The following NAPA variants were observed in gnomAD, a reference collection of about 807,000 sequenced individuals.
The protein encoded by NAPA is alpha-soluble NSF attachment protein.
A neutral mutation model predicts 48.0 loss-of-function variants in NAPA; 18 were observed. The ratio of observed to expected loss-of-function variants is 0.38; its 90% CI spans 0.26 to 0.56. NAPA has a LOEUF of 0.56. NAPA is among the 20% of genes least tolerant of loss of function. The pLI is 0.77. For synonymous variants in NAPA, 152 were observed against 149.9 expected (o/e 1.01, Z -0.10); for missense variants, 315 against 385.0 (o/e 0.82, Z 1.52).
At chr19:47,496,831 A>C (rs1180096792) in intron 3 of NAPA, 1 of 455,862 alleles carries the variant, frequency 2.2e-6, no homozygotes, top group Admixed American at 2.4e-5. Context: ...ACATGTAAAC[A>C]GTGGGGTCCA....
At chr19:47,488,427 C>G in intron 10 of NAPA, 38 bp from the exon 11 acceptor site, 3 of 1,549,468 alleles carry the variant, frequency 1.9e-6, no homozygotes, top group South Asian at 2.2e-5. Flanking sequence ...CCATGCTCCC[C>G]CCGTTCCCAA....
At chr19:47,512,953 G>A (rs1256797364) in intron 1 of NAPA, among the ~76,000 whole-genome samples, 1 of 151,730 alleles carries the variant, frequency 6.6e-6, no homozygotes, top group Non-Finnish European at 1.5e-5. Context: ...CCCTTCTCCA[G>A]CCTTCTGCAG....
At chr19:47,487,550 CCA>C (rs1341177248), downstream of NAPA, 1 of 152,362 alleles carries the variant, frequency 6.6e-6, no homozygotes, top group Non-Finnish European at 1.5e-5. Flanking sequence ...AAGAGCTCGC[CCA>C]GAGTCTGGGG....
chr19:47,486,601 CCA>C (rs915756363), downstream of NAPA, among the ~76,000 whole-genome samples: 4 of 152,196 alleles, frequency 2.6e-5, no homozygotes, highest in Non-Finnish European at 1.5e-5. Flanking sequence ...GCACCCAGCC[CCA>C]AGTCTGGATA....
chr19:47,485,697 T>C (rs1460204845), downstream of NAPA, among the ~76,000 whole-genome samples: 1 of 152,274 alleles, frequency 6.6e-6, no homozygotes, highest in African/African-American at 2.4e-5. Flanking sequence ...TCTTACATGA[T>C]GGAAAGTTCT....
chr19:47,513,336 G>A (rs932677766), intron 1 of NAPA, among the ~76,000 whole-genome samples: 1 of 152,046 alleles, frequency 6.6e-6, no homozygotes, highest in African/African-American at 2.4e-5. Context: ...CTCTCTGCAC[G>A]CTCCGAACCT....
Position 47,495,572 on chromosome 19 carries a change from G to A in NAPA, c.320C>T (p.Ala107Val). The change falls in exon 4 of 11, where the codon GCA (alanine) becomes GTA (valine). Residue 107 changes from alanine (A) to valine (V), a missense_variant. Physicochemically the swap from Ala to Val is moderately conservative, Grantham distance 64. Around this residue, in one of 3 missense-constraint regions of NAPA, gnomAD observed 173 missense variants for 213.5 expected, o/e 0.81. Transcript: ENST00000263354. ...TACCATGTCTGTGTAGATCTCGATT[G>A]CTCGCATCAAACAGTTAATGGCCTC... is the stretch of plus-strand genomic sequence containing the variant. Reference protein sequence around the residue: ...PQEAINCLMRAIEIYTDMGRF... With the variant: ...PQEAINCLMRVIEIYTDMGRF... The A allele has an allele frequency of 6.2e-7, 1 of 1,613,874 alleles. No individual in the cohort carries two copies. The highest frequency in any genetic ancestry group is 1.1e-5 in the South Asian group (1 of 91,052).
intron 1 of NAPA, among the ~76,000 whole-genome samples, chr19:47,512,381 TCAGA>T (rs757232795): frequency 5.3e-4 from 80 of 152,238 alleles, no homozygotes; most frequent in Middle Eastern, 3.4e-3. Context: ...TCCTCTGAGC[TCAGA>T]CAGTCACAGG....
intron 1 of NAPA, among the ~76,000 whole-genome samples, chr19:47,508,178 G>C (rs1968730589): frequency 6.6e-6 from 1 of 152,256 alleles, no homozygotes; most frequent in African/African-American, 2.4e-5. Flanking sequence ...CCAGTAACAA[G>C]CCAACAGGCA....
At position 47,503,763 on chromosome 19, in the gene NAPA, A is replaced by T. The variant is rs549722690; in HGVS notation, c.99-261T>A. Among the ~76,000 whole-genome samples the T allele has an allele frequency of 3.8e-4, 58 of 152,046 alleles. 1 individual carries two copies. The East Asian group carries it at 8.9e-3, about 23-fold the overall frequency. ...GGGGTAGTGGGGCGAAGAGTTCCTG[A>T]CCCCACCACAACCCCAGGGTCTGAC... On this transcript the variant is annotated intron_variant, in intron 1 of 10. Transcript: ENST00000263354.
rs750895689 is a variant in NAPA, at chr19:47,492,849, C to G, written c.561+112G>C. The G allele has an allele frequency of 4.0e-6, 4 of 996,810 alleles. No homozygotes were observed. In the Middle Eastern group the frequency reaches 6.0e-4, roughly 151 times the overall value. The allele number at this position is 996,810 out of a possible 1,614,324, so 61.7% of individuals were successfully genotyped here. ...ATGGCAAGGGATGTCGGGGGAGAGG[C>G]AGAGGGTGAGCCGGGGGAGGGGTGG... On this transcript the variant is annotated intron_variant, in intron 7 of 10. Transcript: ENST00000263354.
intron 3 of NAPA, chr19:47,496,979 C>A: frequency 5.6e-6 from 2 of 357,172 alleles, no homozygotes; most frequent in Admixed American, 3.2e-5. Flanking sequence ...TGGCAGCAGA[C>A]AGTGGAAACG....
chr19:47,500,874 C>G (rs912143754), intron 2 of NAPA, 125 bp from the exon 3 acceptor site: 2 of 656,294 alleles, frequency 3.0e-6, no homozygotes, highest in Admixed American at 3.7e-5. Context: ...CAAGACAGGA[C>G]GAGGGTGACC....
rs1223063310 is a variant in NAPA at position 47,500,685 on chromosome 19, T to C, written c.243A>G (p.Ala81=). The C allele has an allele frequency of 6.2e-7, 1 of 1,612,258 alleles. No individual in the cohort carries two copies. The change falls in exon 3 of 11, where the codon GCA becomes GCG. Residue 81 remains alanine (A), a synonymous_variant. Coordinates refer to ENST00000263354, the MANE Select transcript of NAPA (RefSeq NM_003827.4). The part of the protein sequence containing the change: ...LHLQLQSKHD[A]ATCFVDAGNA... ...TGCCAGCGTCCACAAAGCAGGTGGC[T>C]GCGTCGTGCTTGCTCTGGAGCTGCA...
intron 1 of NAPA, among the ~76,000 whole-genome samples, chr19:47,507,744 G>A (rs1968721354): frequency 6.6e-6 from 1 of 152,176 alleles, no homozygotes; most frequent in African/African-American, 2.4e-5. Context: ...GGCGTTCCCT[G>A]CCTCCCAGGC....
At chr19:47,491,044 C>A (rs914811795) in intron 8 of NAPA, 188 bp from the exon 9 acceptor site, 2 of 524,790 alleles carry the variant, frequency 3.8e-6, no homozygotes, top group African/African-American at 3.9e-5. Context: ...CAGCACCAGC[C>A]TGGCTGCAGA....
chr19:47,509,005 G>C (rs1200615627), intron 1 of NAPA, among the ~76,000 whole-genome samples: 3 of 152,012 alleles, frequency 2.0e-5, no homozygotes, highest in Non-Finnish European at 4.4e-5. Context: ...GAGCCCAGGA[G>C]GTTGAGACTG....
intron 10 of NAPA, chr19:47,489,399 G>A: frequency 4.7e-6 from 2 of 426,184 alleles, no homozygotes. Flanking sequence ...ACTCACCTGG[G>A]GGACTCAAGG....
At chr19:47,503,718 G>A (rs1345632646) in intron 1 of NAPA, among the ~76,000 whole-genome samples, 1 of 152,192 alleles carries the variant, frequency 6.6e-6, no homozygotes, top group African/African-American at 2.4e-5. Flanking sequence ...GAGTACTGGG[G>A]TAGATACTGG....
Sources: allele counts gnomAD v4.1 joint callset (sites outside exome capture counted in the v4.1 genomes callset), GRCh38; gene constraint gnomAD v4.1.1; regional missense constraint gnomAD v4.1.1; transcripts MANE v1.5; gene names NCBI Gene and HGNC (gene_info 2026-07-23, HGNC 2026-07-21).